The following LRRN1 variants were observed in gnomAD, a reference collection of about 807,000 sequenced individuals.
LRRN1 encodes leucine-rich repeat neuronal protein 1.
In LRRN1, 14 loss-of-function variants were observed where a neutral mutation model predicts 45.8. The observed-to-expected ratio is 0.31, with a 90% confidence interval of 0.20 to 0.48. The LOEUF (loss-of-function observed/expected upper bound fraction) is 0.48, where lower values mean the gene tolerates loss of function less well. LRRN1 is among the 20% of genes least tolerant of loss of function. The pLI, the probability that LRRN1 is intolerant of heterozygous loss-of-function variation, is 0.99. For synonymous variants in LRRN1, 359 were observed against 330.1 expected (o/e 1.09, Z -0.95); for missense variants, 789 against 874.2 (o/e 0.90, Z 1.23).
intron 1 of LRRN1, among the ~76,000 whole-genome samples, chr3:3,811,075 A>C (rs1435307015): frequency 6.6e-6 from 1 of 152,146 alleles, no homozygotes; most frequent in Non-Finnish European, 1.5e-5. Context: ...TCACCTGGCT[A>C]CCCTTGCAGG....
intron 1 of LRRN1, among the ~76,000 whole-genome samples, chr3:3,833,546 T>C (rs74778502): frequency 0.09 from 13,769 of 152,230 alleles, 715 homozygotes; most frequent in Middle Eastern, 0.17. Flanking sequence ...AGTTCTTTTC[T>C]AGTGTAGTGC....
At chr3:3,810,176 A>T (rs1179688761) in intron 1 of LRRN1, among the ~76,000 whole-genome samples, 3 of 152,082 alleles carry the variant, frequency 2.0e-5, no homozygotes, top group Non-Finnish European at 4.4e-5. Context: ...TTTCTCTCTG[A>T]AAATATTATA....
chr3:3,842,914 G>A (rs1253607872), intron 1 of LRRN1, among the ~76,000 whole-genome samples: 2 of 151,752 alleles, frequency 1.3e-5, no homozygotes, highest in Non-Finnish European at 2.9e-5. Context: ...CAGGTGAGCA[G>A]TACATACCTG....
At chr3:3,810,451 A>G (rs1692850187) in intron 1 of LRRN1, among the ~76,000 whole-genome samples, 1 of 152,230 alleles carries the variant, frequency 6.6e-6, no homozygotes, top group Non-Finnish European at 1.5e-5. Flanking sequence ...ATCATACAAT[A>G]TCATCATCTT....
rs3749345 is a variant in LRRN1, at chr3:3,848,239, A to C, written c.*1447A>C. Among the ~76,000 whole-genome samples the C allele has an allele frequency of 0.059, 8,955 of 152,214 alleles. 487 individuals carry two copies. The highest frequency in any genetic ancestry group is 0.19 in the East Asian group (982 of 5,162). Reference sequence around the variant, plus strand: ...AACAAAACAACTTCCGTACAGTTCAAACTTTTCATCCAAATATATATAGAC... The same window carrying C: ...AACAAAACAACTTCCGTACAGTTCACACTTTTCATCCAAATATATATAGAC... On this transcript the variant is annotated 3_prime_UTR_variant, in exon 2 of 2. Coordinates refer to ENST00000319331, the MANE Select transcript of LRRN1 (RefSeq NM_020873.7).
chr3:3,824,611 A>G (rs1170198798), intron 1 of LRRN1, among the ~76,000 whole-genome samples: 1 of 152,160 alleles, frequency 6.6e-6, no homozygotes, highest in African/African-American at 2.4e-5. Context: ...TACCTAAGCA[A>G]AGGTCAAAAT....
In LRRN1 at chr3:3,846,812, C is replaced by T; in HGVS notation, c.*20C>T. The T allele has an allele frequency of 6.4e-7, 1 of 1,565,038 alleles. No individual in the cohort carries two copies. Among genetic ancestry groups the T allele is most frequent in the Non-Finnish European group, 8.6e-7 (1 of 1,157,022 alleles). On this transcript the variant is annotated 3_prime_UTR_variant, in exon 2 of 2. Transcript: ENST00000319331. The surrounding 1 kb of genome is among the most constrained non-coding windows in gnomAD (Gnocchi z 5.7). Reference sequence around the variant, plus strand: ...TGGTAACTCAGAGGATATTTTGCTTCTGGTAGTAAGGAGCACAAAGACGTT... The same window carrying T: ...TGGTAACTCAGAGGATATTTTGCTTTTGGTAGTAAGGAGCACAAAGACGTT...
intron 1 of LRRN1, among the ~76,000 whole-genome samples, chr3:3,809,389 C>T (rs1692831114): frequency 6.6e-6 from 1 of 152,232 alleles, no homozygotes; most frequent in Non-Finnish European, 1.5e-5. Context: ...AGATATCCAC[C>T]TGCCTCGGTC....
chr3:3,838,645 C>G (rs1454852995), intron 1 of LRRN1, among the ~76,000 whole-genome samples: 1 of 152,176 alleles, frequency 6.6e-6, no homozygotes, highest in African/African-American at 2.4e-5. Flanking sequence ...TTCTCTACAA[C>G]AGTGAACAAG....
intron 1 of LRRN1, among the ~76,000 whole-genome samples, chr3:3,800,488 A>T (rs1360198534): frequency 2.0e-5 from 3 of 152,084 alleles, no homozygotes; most frequent in African/African-American, 7.3e-5. Context: ...CACTGAAAGT[A>T]TTGAAGTCAG....
At chr3:3,836,729 A>G (rs556047683) in intron 1 of LRRN1, among the ~76,000 whole-genome samples, 60 of 152,312 alleles carry the variant, frequency 3.9e-4, no homozygotes, top group African/African-American at 1.4e-3. Flanking sequence ...TCGTTTTTAC[A>G]AAAAGGAGTG....
chr3:3,846,026 C>T lies in LRRN1; in HGVS notation c.1385C>T (p.Pro462Leu), dbSNP rs373184552. ...GAACCTGAAATTTACTGGGTCACTC[C>T]CATTGGAAATAAGATAACTGTGGAA... ...EPEPEIYWVT[P>L]IGNKITVETL... Residue 462 changes from proline (P) to leucine (L), a missense_variant, in exon 2 of 2, where the codon CCC becomes CTC. Transcript: ENST00000319331. The surrounding 1 kb of genome is among the most constrained non-coding windows in gnomAD (Gnocchi z 5.7). 8.1e-6 allele frequency: 13 copies of T among 1,613,902 alleles called. No individual in the cohort carries two copies. The African/African-American group carries it at 1.5e-4, about 18-fold the overall frequency.
chr3:3,812,962 T>C (rs1218387675), intron 1 of LRRN1, among the ~76,000 whole-genome samples: 1 of 152,240 alleles, frequency 6.6e-6, no homozygotes, highest in Non-Finnish European at 1.5e-5. Context: ...TTTTTCTCCC[T>C]GTACTACACT....
chr3:3,832,556 A>G (rs143699069), intron 1 of LRRN1, among the ~76,000 whole-genome samples: 60 of 152,296 alleles, frequency 3.9e-4, no homozygotes, highest in African/African-American at 7.2e-4. Flanking sequence ...GTAGTCCCCA[A>G]AATGTCTGAT....
intron 1 of LRRN1, among the ~76,000 whole-genome samples, chr3:3,815,703 C>A (rs184531410): frequency 1.3e-5 from 2 of 152,082 alleles, no homozygotes; most frequent in Non-Finnish European, 2.9e-5. Context: ...TCTTCATTAT[C>A]CTCAATTAAA....
At chr3:3,813,243 C>G (rs933219136) in intron 1 of LRRN1, among the ~76,000 whole-genome samples, 1 of 152,160 alleles carries the variant, frequency 6.6e-6, no homozygotes. Context: ...CGTCGGTGCT[C>G]TAATGACCAT....
chr3:3,848,154 C>G lies in LRRN1; in HGVS notation c.*1362C>G, dbSNP rs1296452397. Among the ~76,000 whole-genome samples the G allele has an allele frequency of 6.6e-6, 1 of 152,086 alleles. No individual in the cohort carries two copies. The highest frequency in any genetic ancestry group is 1.5e-5 in the Non-Finnish European group (1 of 68,036). On this transcript the variant is annotated 3_prime_UTR_variant, in exon 2 of 2. Transcript: ENST00000319331. The stretch of plus-strand genomic sequence containing the variant: ...TAACAGTTGTCTATATGCTTAGACC[C>G]GTGTTAGTCTCTATATCTGTGTGGC...
rs760202390 is a variant in LRRN1 at position 3,845,906 on chromosome 3, G to A, written c.1265G>A (p.Cys422Tyr). 1.9e-6 allele frequency: 3 copies of A among 1,614,046 alleles called. No homozygotes were observed. Among genetic ancestry groups the A allele is most frequent in the East Asian group, 2.2e-5 (1 of 44,860 alleles). ...EVLIQDSSEQ[C>Y]LPMISHDSFP... ...TTAATCCAGGATTCGAGTGAACAGT[G>A]CCTCCCAATGATATCTCACGACAGC... Residue 422 changes from cysteine to tyrosine, a missense_variant, in exon 2 of 2, where the codon TGC (cysteine) becomes TAC (tyrosine). Physicochemically the swap from Cys to Tyr is radical, Grantham distance 194. Transcript: ENST00000319331. This position sits in a 1 kb window ranked among gnomAD's most constrained non-coding sequence, Gnocchi z 6.5.
chr3:3,826,796 T>A (rs557165257), intron 1 of LRRN1, among the ~76,000 whole-genome samples: 1 of 152,092 alleles, frequency 6.6e-6, no homozygotes, highest in East Asian at 1.9e-4. Flanking sequence ...GAAACTAATG[T>A]TTTTAAAAAG....
Sources: gnomAD v4.1 joint callset for allele counts (sites outside exome capture counted in the v4.1 genomes callset) on GRCh38, gnomAD v4.1.1 for gene constraint, Gnocchi (gnomAD v3.1) non-coding constraint, MANE v1.5 for transcripts, NCBI Gene and HGNC (gene_info 2026-07-23, HGNC 2026-07-21) for gene names.